The following FOCAD variants were observed in gnomAD, a reference collection of about 807,000 sequenced individuals.
FOCAD encodes the protein focadhesin, also known as KIAA1797.
Under a neutral mutation model 225.6 loss-of-function variants are expected in FOCAD, and 198 were observed. The observed-to-expected ratio is 0.88, with a 90% confidence interval of 0.78 to 0.99. The LOEUF is 0.99. Among genes scored for constraint, FOCAD ranks in the 50% least tolerant of loss-of-function variants. The pLI is 0.00. For synonymous variants in FOCAD, 897 were observed against 755.0 expected (o/e 1.19, Z -3.08); for missense variants, 2,713 against 2,123.6 (o/e 1.28, Z -5.46).
intron 15 of FOCAD, among the ~76,000 whole-genome samples, chr9:20,842,879 T>C (rs1826684670): frequency 6.6e-6 from 1 of 151,938 alleles, no homozygotes. Flanking sequence ...TTTTTATATA[T>C]CTCCTGTGGG....
chr9:20,950,206 C>T (rs978618192), intron 33 of FOCAD, among the ~76,000 whole-genome samples: 3 of 151,920 alleles, frequency 2.0e-5, no homozygotes, highest in Non-Finnish European at 4.4e-5. Context: ...AAAAAAATAT[C>T]ACTGATGGTC....
intron 5 of FOCAD, among the ~76,000 whole-genome samples, chr9:20,748,790 G>C (rs1220884991): frequency 6.6e-6 from 1 of 151,906 alleles, no homozygotes; most frequent in African/African-American, 2.4e-5. Context: ...CACAATTTAT[G>C]GGTCTAATCA....
Position 20,936,550 on chromosome 9 carries a change from C to T in FOCAD, c.3407+3447C>T, listed in dbSNP as rs147030309. On this transcript the variant is annotated intron_variant, in intron 28 of 43. Coordinates refer to ENST00000338382, the MANE Select transcript of FOCAD (RefSeq NM_001375567.1). ...ACTTCTTAAGAGTGTGGTTTGAGGC[C>T]GGGCGCGGTGGCTCACGCCTGTAAT... is the stretch of plus-strand genomic sequence containing the variant. Among the ~76,000 whole-genome samples the T allele has an allele frequency of 1.4e-3, 219 of 152,140 alleles. 1 individual carries two copies. The highest frequency in any genetic ancestry group is 2.4e-3 in the Non-Finnish European group (162 of 67,998).
At chr9:20,943,834 G>T (rs1335148642) in intron 28 of FOCAD, among the ~76,000 whole-genome samples, 2 of 152,082 alleles carry the variant, frequency 1.3e-5, no homozygotes, top group Non-Finnish European at 1.5e-5. Context: ...TTTCTTTAAA[G>T]TAAAGCATTA....
intron 1 of FOCAD, 117 bp from the exon 2 acceptor site, chr9:20,715,205 T>G: frequency 2.5e-6 from 1 of 407,682 alleles, no homozygotes; most frequent in Non-Finnish European, 4.3e-6. Context: ...CCCTGTGCTT[T>G]ATTTCCATTG....
chr9:20,769,422 T>A (rs2130994298), intron 7 of FOCAD, among the ~76,000 whole-genome samples: 2 of 152,332 alleles, frequency 1.3e-5, no homozygotes, highest in Non-Finnish European at 2.9e-5. Flanking sequence ...ACTCCAGAAT[T>A]TTGATCAGAA....
intron 11 of FOCAD, among the ~76,000 whole-genome samples, chr9:20,792,511 A>C (rs1820638731): frequency 6.6e-6 from 1 of 152,238 alleles, no homozygotes; most frequent in African/African-American, 2.4e-5. Context: ...TGCAAAACTC[A>C]GTGCCTCTTT....
chr9:20,665,902 T>C (rs1230413134), intron 2 of FOCAD, among the ~76,000 whole-genome samples: 2 of 151,520 alleles, frequency 1.3e-5, no homozygotes, highest in Non-Finnish European at 2.9e-5. Context: ...TATAATTATA[T>C]ATATATATTT....
intron 39 of FOCAD, among the ~76,000 whole-genome samples, chr9:20,985,210 G>T (rs1250869144): frequency 6.6e-6 from 1 of 152,142 alleles, no homozygotes; most frequent in Non-Finnish European, 1.5e-5. Context: ...TTTACACTTT[G>T]GGTCTTTTAC....
At chr9:20,715,292 C>A in intron 1 of FOCAD, 30 bp from the exon 2 acceptor site, 1 of 1,106,654 alleles carries the variant, frequency 9.0e-7, no homozygotes, top group Non-Finnish European at 1.3e-6. Context: ...AGTTGGAAGA[C>A]TAACAAATAT....
intron 23 of FOCAD, among the ~76,000 whole-genome samples, chr9:20,913,236 G>A (rs1346821187): frequency 4.6e-5 from 7 of 151,114 alleles, no homozygotes; most frequent in East Asian, 2.0e-4. Context: ...TTTTCTACCT[G>A]TAACTGATTA....
intron 24 of FOCAD, among the ~76,000 whole-genome samples, chr9:20,921,342 G>T (rs183918952): frequency 1.3e-5 from 2 of 152,160 alleles, no homozygotes; most frequent in Non-Finnish European, 2.9e-5. Context: ...AACGTCGGTG[G>T]TGTTGCCTAG....
intron 11 of FOCAD, among the ~76,000 whole-genome samples, chr9:20,796,447 C>G (rs969571660): frequency 6.6e-6 from 1 of 152,128 alleles, no homozygotes; most frequent in African/African-American, 2.4e-5. Context: ...TAAAAGTGTT[C>G]CTGTTTCTCC....
intron 16 of FOCAD, 36 bp from the exon 17 acceptor site, chr9:20,865,890 C>G (rs375165905): frequency 2.0e-6 from 3 of 1,524,282 alleles, no homozygotes; most frequent in Non-Finnish European, 2.7e-6. Context: ...TTAGCTTGGT[C>G]TTAACAATTT....
chr9:20,718,862 G>C (rs1309379294), intron 3 of FOCAD, among the ~76,000 whole-genome samples: 2 of 152,050 alleles, frequency 1.3e-5, no homozygotes, highest in East Asian at 1.9e-4. Flanking sequence ...TGTTTGTTTT[G>C]TTTTTCCGGT....
At chr9:20,786,419 C>G (rs992053521) in intron 10 of FOCAD, among the ~76,000 whole-genome samples, 2 of 152,170 alleles carry the variant, frequency 1.3e-5, no homozygotes, top group African/African-American at 4.8e-5. Flanking sequence ...CCAAATCTCT[C>G]AGCTCTTGTC....
intron 15 of FOCAD, among the ~76,000 whole-genome samples, chr9:20,824,002 G>A (rs1824614349): frequency 6.6e-6 from 1 of 152,070 alleles, no homozygotes; most frequent in Non-Finnish European, 1.5e-5. Flanking sequence ...CTTGGTATGA[G>A]AATACACTTC....
At chr9:20,954,927 G>T (rs927581742) in intron 35 of FOCAD, among the ~76,000 whole-genome samples, 1 of 152,212 alleles carries the variant, frequency 6.6e-6, no homozygotes, top group Non-Finnish European at 1.5e-5. Flanking sequence ...GCTCTGTGGG[G>T]CTAAATGGGA....
intron 28 of FOCAD, among the ~76,000 whole-genome samples, chr9:20,944,238 G>T (rs934337303): frequency 6.6e-6 from 1 of 152,180 alleles, no homozygotes; most frequent in African/African-American, 2.4e-5. Context: ...TCCTTATGCA[G>T]CTGATCACAG....
Sources: allele counts gnomAD v4.1 joint callset (sites outside exome capture counted in the v4.1 genomes callset), GRCh38; gene constraint gnomAD v4.1.1; transcripts MANE v1.5; gene names NCBI Gene and HGNC (gene_info 2026-07-23, HGNC 2026-07-21).